The following ERC1 variants were observed in gnomAD, a reference collection of about 807,000 sequenced individuals.
ERC1 encodes RAB6 interacting protein 2.
A neutral mutation model predicts 132.0 loss-of-function variants in ERC1; 56 were observed. The observed-to-expected ratio is 0.42, with a 90% CI of 0.34 to 0.53. The LOEUF is 0.53. ERC1 is among the 20% of genes least tolerant of loss of function. The pLI, the probability that ERC1 is intolerant of heterozygous loss-of-function variation, is 0.03. For missense variants in ERC1, 1,202 were observed against 1,349.9 expected, an observed-to-expected ratio of 0.89 and a Z score of 1.72; for synonymous variants, 478 against 476.1, an observed-to-expected ratio of 1.00 and a Z score of -0.05.
chr12:1,161,086 A>G (rs1444860143), intron 8 of ERC1, among the ~76,000 whole-genome samples: 1 of 152,188 alleles, frequency 6.6e-6, no homozygotes, highest in African/African-American at 2.4e-5. Flanking sequence ...CAGTCTTCCC[A>G]GTCTTTCTAA....
intron 18 of ERC1, among the ~76,000 whole-genome samples, chr12:1,485,805 TA>T (rs2094206320): frequency 6.6e-6 from 1 of 152,252 alleles, no homozygotes; most frequent in Non-Finnish European, 1.5e-5. Flanking sequence ...CTTCTGAATT[TA>T]AAAGCACTTA....
At chr12:998,896 A>G (rs939503388) in intron 1 of ERC1, among the ~76,000 whole-genome samples, 80 of 117,688 alleles carry the variant, frequency 6.8e-4, no homozygotes, top group African/African-American at 2.2e-3. Context: ...GTCTTGCTCT[A>G]TCGCCCAGGC....
At chr12:1,101,207 C>A (rs545051329) in intron 3 of ERC1, among the ~76,000 whole-genome samples, 6 of 152,270 alleles carry the variant, frequency 3.9e-5, no homozygotes, top group Admixed American at 1.3e-4. Flanking sequence ...ATTATTATAT[C>A]TCCAAAACTT....
At chr12:1,007,540 C>G (rs28600689) in intron 1 of ERC1, among the ~76,000 whole-genome samples, 1,704 of 122,722 alleles carry the variant, frequency 0.014, 20 homozygotes, top group African/African-American at 0.022. Flanking sequence ...CTCTCTCTCT[C>G]TGTGTGTGTG....
At chr12:1,395,924 C>A (rs1334953360) in intron 16 of ERC1, among the ~76,000 whole-genome samples, 2 of 145,012 alleles carry the variant, frequency 1.4e-5, no homozygotes, top group African/African-American at 5.1e-5. Context: ...AGAAAAACTA[C>A]ATGGAGTCTT....
chr12:1,332,314 C>G (rs1450144407), intron 15 of ERC1, among the ~76,000 whole-genome samples: 2 of 152,166 alleles, frequency 1.3e-5, no homozygotes, highest in Non-Finnish European at 2.9e-5. Context: ...TTGGATTTCT[C>G]TTAAGAAATT....
chr12:1,023,632 G>A (rs1966687078), intron 1 of ERC1, among the ~76,000 whole-genome samples: 1 of 152,212 alleles, frequency 6.6e-6, no homozygotes, highest in African/African-American at 2.4e-5. Flanking sequence ...TTTTAAGCTG[G>A]TGGAGGCAGG....
intron 16 of ERC1, among the ~76,000 whole-genome samples, chr12:1,373,581 A>G (rs770741249): frequency 3.3e-5 from 5 of 152,234 alleles, no homozygotes; most frequent in Non-Finnish European, 5.9e-5. Context: ...GGAAATCGAG[A>G]CCATCCTGGC....
At chr12:1,264,922 A>G (rs147516469) in intron 14 of ERC1, among the ~76,000 whole-genome samples, 377 of 152,322 alleles carry the variant, frequency 2.5e-3, no homozygotes, top group African/African-American at 8.0e-3. Flanking sequence ...GAGTCCCTTC[A>G]TAGCTGTGTG....
intron 8 of ERC1, among the ~76,000 whole-genome samples, chr12:1,149,545 A>C (rs1950656501): frequency 6.6e-6 from 1 of 152,086 alleles, no homozygotes. Context: ...CTACAGACAC[A>C]TGCCACCATG....
chr12:1,048,174 A>G (rs9630269), intron 2 of ERC1, among the ~76,000 whole-genome samples: 17,981 of 152,128 alleles, frequency 0.12, 1,549 homozygotes, highest in African/African-American at 0.24. Flanking sequence ...GTTTGCTGCT[A>G]TGTTGTTGCT....
intron 18 of ERC1, among the ~76,000 whole-genome samples, chr12:1,446,623 T>C (rs1212991147): frequency 6.6e-6 from 1 of 152,222 alleles, no homozygotes; most frequent in Non-Finnish European, 1.5e-5. Flanking sequence ...TGGTGTGATA[T>C]TAAAGATGAC....
At chr12:1,287,989 A>G (rs1432872858) in intron 14 of ERC1, among the ~76,000 whole-genome samples, 1 of 152,230 alleles carries the variant, frequency 6.6e-6, no homozygotes, top group Non-Finnish European at 1.5e-5. Context: ...TCAAATTCAC[A>G]TGGAAATAAA....
chr12:1,218,912 G>C (rs923088703), intron 12 of ERC1, among the ~76,000 whole-genome samples: 1 of 150,328 alleles, frequency 6.7e-6, no homozygotes, highest in Non-Finnish European at 1.5e-5. Context: ...TCACTCTGTC[G>C]CCCAGGCTGG....
At position 1,491,502 on chromosome 12, in the gene ERC1, C is replaced by T. The variant is rs1482932380; in HGVS notation, c.*1272C>T. 3 of 230,458 alleles carry T rather than the reference C, an allele frequency of 1.3e-5. No individual in the cohort carries two copies. The highest frequency in any genetic ancestry group is 2.6e-5 in the Non-Finnish European group (3 of 116,424). The allele number at this position is 230,458 out of a possible 1,614,324, so 14.3% of individuals were successfully genotyped here. On this transcript the variant is annotated 3_prime_UTR_variant, in exon 19 of 19. Transcript: ENST00000360905. ...ATGTAGTGGATTCTGTGAGACATAC[C>T]TGCTGGAGTTGAAGCAGTAAATAGC... is the stretch of plus-strand genomic sequence containing the variant.
intron 13 of ERC1, among the ~76,000 whole-genome samples, chr12:1,256,530 C>T (rs939431309): frequency 7.4e-5 from 11 of 148,384 alleles, no homozygotes; most frequent in African/African-American, 2.5e-4. Flanking sequence ...AAAACATTTG[C>T]CCAATTTTTT....
chr12:1,150,646 T>C (rs1179958033), intron 8 of ERC1, among the ~76,000 whole-genome samples: 2 of 152,186 alleles, frequency 1.3e-5, no homozygotes, highest in African/African-American at 2.4e-5. Context: ...GTGTACTTGA[T>C]ATGATCAATG....
At chr12:1,094,503 T>G (rs12820854) in intron 3 of ERC1, among the ~76,000 whole-genome samples, 28,398 of 150,456 alleles carry the variant, frequency 0.19, 3,404 homozygotes, top group Non-Finnish European at 0.25. Flanking sequence ...CTCCGCCACC[T>G]GGGTTCAAGT....
chr12:1,478,029 A>G (rs2094008687), intron 18 of ERC1, among the ~76,000 whole-genome samples: 2 of 152,222 alleles, frequency 1.3e-5, no homozygotes, highest in Non-Finnish European at 2.9e-5. Flanking sequence ...GGTTGTTCCC[A>G]GGTTTTAATA....
Sources: gnomAD v4.1 joint callset for allele counts (sites outside exome capture counted in the v4.1 genomes callset) on GRCh38, gnomAD v4.1.1 for gene constraint, MANE v1.5 for transcripts, NCBI Gene and HGNC (gene_info 2026-07-23, HGNC 2026-07-21) for gene names.